The following KRT75 variants were observed in gnomAD, a reference collection of about 807,000 sequenced individuals.
The protein encoded by KRT75 is keratin, type II cytoskeletal 75.
KRT75 carries 35 observed loss-of-function variants against 48.8 expected under a neutral mutation model. The ratio of observed to expected loss-of-function variants is 0.72; its 90% CI spans 0.55 to 0.95. KRT75 has a LOEUF of 0.95. KRT75 is among the 40% of genes least tolerant of loss of function. The pLI is 0.00. For synonymous variants in KRT75, 301 were observed against 282.3 expected (o/e 1.07, Z -0.66); for missense variants, 776 against 709.9 (o/e 1.09, Z -1.06).
At position 52,431,651 on chromosome 12, in the gene KRT75, C is replaced by T. The variant is rs774251600; in HGVS notation, c.775-13G>A. The stretch of plus-strand genomic sequence containing the variant: ...CAGCATCTACGTCCTGGAATGACAG[C>T]GCAGGATGCTCCTTTGAGTCTGCAG... On this transcript the variant is annotated splice_polypyrimidine_tract_variant and intron_variant, in intron 3 of 8. Coordinates refer to ENST00000252245, the MANE Select transcript of KRT75 (RefSeq NM_004693.3). The T allele has an allele frequency of 1.6e-5, 25 of 1,584,326 alleles. No homozygotes were observed. The Admixed American group carries it at 1.7e-4, about 11-fold the overall frequency.
Position 52,433,910 on chromosome 12 carries a change from G to T in KRT75, c.395C>A (p.Thr132Asn), listed in dbSNP as rs1300255110. The change falls in exon 1 of 9, where the codon ACT becomes AAT. Residue 132 changes from threonine to asparagine, a missense_variant. Transcript: ENST00000252245. ...QEVTVNQSLLTPLHLQIDPTI... is the reference protein window; with the variant it reads ...QEVTVNQSLLNPLHLQIDPTI... Reference sequence around the variant, plus strand: ...GGGGTCGATTTGCAGGTGAAGAGGAGTCAGGAGACTCTGGTTGACAGTGAC... The same window carrying T: ...GGGGTCGATTTGCAGGTGAAGAGGATTCAGGAGACTCTGGTTGACAGTGAC... 2 of 1,614,074 alleles carry T rather than the reference G, an allele frequency of 1.2e-6. No individual in the cohort carries two copies. The highest frequency in any genetic ancestry group is 2.7e-5 in the African/African-American group (2 of 74,936).
intron 8 of KRT75, among the ~76,000 whole-genome samples, chr12:52,425,955 G>A (rs1288545369): frequency 6.6e-6 from 1 of 152,192 alleles, no homozygotes; most frequent in African/African-American, 2.4e-5. Flanking sequence ...TTGAAGGCCT[G>A]TCCCCAAAAT....
chr12:52,430,935 G>T (rs546796079), intron 4 of KRT75, among the ~76,000 whole-genome samples: 1 of 152,180 alleles, frequency 6.6e-6, no homozygotes, highest in Non-Finnish European at 1.5e-5. Flanking sequence ...ATGAGGGTGG[G>T]TAAGCATCCT....
chr12:52,427,586 C>T (rs1365616139), intron 7 of KRT75, among the ~76,000 whole-genome samples: 1 of 152,218 alleles, frequency 6.6e-6, no homozygotes, highest in Admixed American at 6.5e-5. Context: ...ATGTCTTTGG[C>T]CATGAAACTG....
In KRT75 at chr12:52,424,419, G is replaced by T; in HGVS notation, c.*98C>A. 1 of 1,127,260 alleles carries T rather than the reference G, an allele frequency of 8.9e-7. No homozygotes were observed. Among genetic ancestry groups the T allele is most frequent in the Non-Finnish European group, 1.4e-6 (1 of 736,902 alleles). The allele number at this position is 1,127,260 out of a possible 1,614,324, so 69.8% of individuals were successfully genotyped here. On this transcript the variant is annotated 3_prime_UTR_variant, in exon 9 of 9. Coordinates refer to ENST00000252245, the MANE Select transcript of KRT75 (RefSeq NM_004693.3). ...GTACTCCAGGCTCCCAGCAGCACAG[G>T]TGCACCTTACAAGGAGAGAGGAAGG...
intron 1 of KRT75, 23 bp from the exon 2 acceptor site, chr12:52,433,275 A>T (rs1940170492): frequency 3.7e-6 from 6 of 1,600,308 alleles, no homozygotes; most frequent in Admixed American, 1.7e-5. Flanking sequence ...AGAGAGAATG[A>T]AACCTTGAGA....
At chr12:52,430,778 T>G (rs443084) in intron 4 of KRT75, 73 bp from the exon 5 acceptor site, 2 of 1,531,374 alleles carry the variant, frequency 1.3e-6, no homozygotes, top group Non-Finnish European at 1.8e-6. Flanking sequence ...TAACTACCCA[T>G]CTAGGTCAGG....
rs954516578 is a variant in KRT75 at position 52,434,120 on chromosome 12, A to G, written c.185T>C (p.Leu62Pro). 1.2e-6 allele frequency: 2 copies of G among 1,614,052 alleles called. No homozygotes were observed. Among genetic ancestry groups the G allele is most frequent in the Non-Finnish European group, 1.7e-6 (2 of 1,180,012 alleles). ...CCGCTTGGCACCCCCCAGGTTGTAG[A>G]GGCTGCGGCTTCCAAAGCTGGCCCC... The part of the protein sequence containing the change: ...SAGASFGSRS[L>P]YNLGGAKRVS... Residue 62 changes from leucine (L) to proline (P), a missense_variant, in exon 1 of 9, where the codon CTC becomes CCC. Transcript: ENST00000252245.
rs772982680 is a variant in KRT75 at position 52,430,624 on chromosome 12, T to C, written c.952A>G (p.Ser318Gly). 46 of 1,614,188 alleles carry C rather than the reference T, an allele frequency of 2.8e-5. No homozygotes were observed. In the South Asian group the frequency reaches 4.8e-4, roughly 17 times the overall value. ...MDNNRNLDLDSIIAEVKAQYE... is the reference protein window; with the variant it reads ...MDNNRNLDLDGIIAEVKAQYE... Reference sequence around the variant, plus strand: ...TGTGCTTTGACCTCGGCGATGATACTATCCAGGTCCAGGTTGCGGTTGTTG... The same window carrying C: ...TGTGCTTTGACCTCGGCGATGATACCATCCAGGTCCAGGTTGCGGTTGTTG... Residue 318 changes from serine (S) to glycine (G), a missense_variant, in exon 5 of 9, where the codon AGT (serine) becomes GGT (glycine). Physicochemically the swap from Ser to Gly is moderately conservative, Grantham distance 56. Coordinates refer to ENST00000252245, the MANE Select transcript of KRT75 (RefSeq NM_004693.3).
At chr12:52,425,966 T>G (rs1401981610) in intron 8 of KRT75, among the ~76,000 whole-genome samples, 1 of 152,106 alleles carries the variant, frequency 6.6e-6, no homozygotes, top group Non-Finnish European at 1.5e-5. Context: ...TCCCCAAAAT[T>G]AGCTTTGAGG....
intron 7 of KRT75, 98 bp downstream of exon 7, chr12:52,428,156 GGA>G: frequency 7.0e-7 from 1 of 1,433,248 alleles, no homozygotes; most frequent in Non-Finnish European, 9.8e-7. Context: ...TTTTCTTCCA[GGA>G]GAAGAAGGGG....
At chr12:52,428,117 T>C in intron 7 of KRT75, 139 bp downstream of exon 7, 5 of 1,061,840 alleles carry the variant, frequency 4.7e-6, no homozygotes, top group Non-Finnish European at 7.0e-6. Context: ...TAAAATTATT[T>C]TTTTGCCATA....
At chr12:52,428,567 G>A (rs2232403) in intron 6 of KRT75, 51 bp downstream of exon 6, 1 of 1,614,012 alleles carries the variant, frequency 6.2e-7, no homozygotes, top group South Asian at 1.1e-5. Flanking sequence ...TGGCAGAAAG[G>A]CCCAGAAGAA....
At chr12:52,428,539 GGGA>G in intron 6 of KRT75, 63 bp from the exon 7 acceptor site, 1 of 1,613,138 alleles carries the variant, frequency 6.2e-7, no homozygotes, top group Non-Finnish European at 8.5e-7. Flanking sequence ...GTGCTTCTTG[GGGA>G]GGAGTTCTTA....
In KRT75 at chr12:52,428,416, C is replaced by T. The variant is rs1408839114; in HGVS notation, c.1222G>A (p.Asp408Asn). 6.2e-7 allele frequency: 1 copy of T among 1,614,156 alleles called. No individual in the cohort carries two copies. Among genetic ancestry groups the T allele is most frequent in the Non-Finnish European group, 8.5e-7 (1 of 1,180,030 alleles). The change falls in exon 7 of 9, where the codon GAT becomes AAT. Residue 408 changes from aspartate to asparagine, a missense_variant. Asp to Asn is a conservative substitution (Grantham distance 23). Coordinates refer to ENST00000252245, the MANE Select transcript of KRT75 (RefSeq NM_004693.3). ...AGGTCCACCAGCTTGGCCCGTGCATCCTTGAGAGCCAGTTCTCCCCGCTGC... is the reference window on the plus strand; with the variant it reads ...AGGTCCACCAGCTTGGCCCGTGCATTCTTGAGAGCCAGTTCTCCCCGCTGC... ...AEQRGELALK[D>N]ARAKLVDLEE...
At chr12:52,424,845 G>T in intron 8 of KRT75, 90 bp from the exon 9 acceptor site, 1 of 1,059,376 alleles carries the variant, frequency 9.4e-7, no homozygotes, top group Non-Finnish European at 1.5e-6. Context: ...GTCCTTGGGT[G>T]GGGAGGGGGT....
At chr12:52,433,371 T>C (rs1440350435) in intron 1 of KRT75, 119 bp from the exon 2 acceptor site, 22 of 924,746 alleles carry the variant, frequency 2.4e-5, no homozygotes, top group East Asian at 1.8e-4. Flanking sequence ...TTGACAATAA[T>C]GTAACTGACA....
intron 6 of KRT75, 24 bp from the exon 7 acceptor site, chr12:52,428,500 G>A: frequency 6.2e-7 from 1 of 1,612,306 alleles, no homozygotes; most frequent in Non-Finnish European, 8.5e-7. Context: ...AGGAAGCCAT[G>A]AGTCCTGCTG....
In KRT75 at chr12:52,428,269, C is replaced by T; in HGVS notation, c.1369G>A (p.Gly457Ser). The T allele has an allele frequency of 6.2e-7, 1 of 1,614,074 alleles. No homozygotes were observed. Among genetic ancestry groups the T allele is most frequent in the Non-Finnish European group, 8.5e-7 (1 of 1,180,044 alleles). ...CATCTGCCTCACCTGCACTCCTCGCCTTCCAGCAGCTTGCGGTAGGTGGCG... is the reference window on the plus strand; with the variant it reads ...CATCTGCCTCACCTGCACTCCTCGCTTTCCAGCAGCTTGCGGTAGGTGGCG... ...EIATYRKLLEGEECRLSGEGV... is the reference protein window; with the variant it reads ...EIATYRKLLESEECRLSGEGV... Residue 457 changes from glycine (G) to serine (S), a missense_variant, in exon 7 of 9, where the codon GGC becomes AGC. Gly to Ser is a moderately conservative substitution (Grantham distance 56). Transcript: ENST00000252245.
Sources: gnomAD v4.1 joint callset for allele counts (sites outside exome capture counted in the v4.1 genomes callset) on GRCh38, gnomAD v4.1.1 for gene constraint, MANE v1.5 for transcripts, NCBI Gene and HGNC (gene_info 2026-07-23, HGNC 2026-07-21) for gene names.